The following CADPS variants were observed in gnomAD, a reference collection of about 807,000 sequenced individuals.
The protein encoded by CADPS is calcium-dependent secretion activator 1.
In CADPS, 57 loss-of-function variants were observed where a neutral mutation model predicts 167.3. The ratio of observed to expected loss-of-function variants is 0.34; its 90% CI spans 0.28 to 0.42. CADPS has a LOEUF of 0.42. CADPS is among the 20% of genes least tolerant of loss of function. The pLI is 1.00. For synonymous variants in CADPS, 676 were observed against 635.3 expected, an observed-to-expected ratio of 1.06 and a Z score of -0.96; for missense variants, 1,414 against 1,738.1, an observed-to-expected ratio of 0.81 and a Z score of 3.32.
chr3:62,509,504 T>G (rs1385337767), intron 17 of CADPS, among the ~76,000 whole-genome samples: 1 of 152,056 alleles, frequency 6.6e-6, no homozygotes, highest in Admixed American at 6.6e-5. Flanking sequence ...TCTCTTTCTC[T>G]CTTTCAACAA....
chr3:62,554,856 G>C (rs766118333), intron 10 of CADPS, among the ~76,000 whole-genome samples: 4 of 152,118 alleles, frequency 2.6e-5, no homozygotes, highest in Non-Finnish European at 5.9e-5. Context: ...AGGTTCAAGC[G>C]ATTCTCCTGC....
intron 1 of CADPS, among the ~76,000 whole-genome samples, chr3:62,868,061 C>G (rs2082025360): frequency 1.3e-5 from 2 of 152,078 alleles, no homozygotes; most frequent in South Asian, 2.1e-4. Context: ...CTGAATTCAT[C>G]CCCCTTTCCT....
At chr3:62,497,528 C>G (rs1016377621) in intron 18 of CADPS, among the ~76,000 whole-genome samples, 1 of 152,124 alleles carries the variant, frequency 6.6e-6, no homozygotes, top group Admixed American at 6.5e-5. Flanking sequence ...TATAGGATAG[C>G]GTAGGAAAAA....
At chr3:62,652,721 G>GAGAAA (rs373441479) in intron 4 of CADPS, among the ~76,000 whole-genome samples, 38 of 152,024 alleles carry the variant, frequency 2.5e-4, no homozygotes, top group South Asian at 6.2e-4. Context: ...AGGGAGAGGA[G>GAGAAA]AGAAAAGAAA....
At chr3:62,771,980 G>C (rs944955841) in intron 1 of CADPS, among the ~76,000 whole-genome samples, 1 of 152,106 alleles carries the variant, frequency 6.6e-6, no homozygotes, top group African/African-American at 2.4e-5. Flanking sequence ...ATGAGACCTT[G>C]GTCAAGTAAC....
At chr3:62,495,353 T>C (rs2064530946) in intron 18 of CADPS, among the ~76,000 whole-genome samples, 1 of 152,200 alleles carries the variant, frequency 6.6e-6, no homozygotes, top group Non-Finnish European at 1.5e-5. Context: ...AAAGCAAAAG[T>C]GTAATTCCAA....
Position 62,874,847 on chromosome 3 carries a change from T to C in CADPS, c.183A>G (p.Ala61=). 1.9e-6 allele frequency: 2 copies of C among 1,060,654 alleles called. No individual in the cohort carries two copies. Among genetic ancestry groups the C allele is most frequent in the Non-Finnish European group, 2.3e-6 (2 of 875,116 alleles). 65.7% of individuals were successfully genotyped at this position (1,060,654 alleles called of 1,614,324 possible). A position where few individuals can be genotyped will look rare whatever the true frequency, so the allele number is the denominator to read the frequency against. The change falls in exon 1 of 30, where the codon GCA becomes GCG. Residue 61 remains alanine (A), a synonymous_variant. Transcript: ENST00000383710. This position sits in a 1 kb window ranked among gnomAD's most constrained non-coding sequence, Gnocchi z 7.1. ...TCGCGCCGCTGCCCCCGCCGCCGCC[T>C]GCACCCACCCCGGCTCCGGCGCCGG... ...GGAGAGAGVG[A]GGGGGSGASS...
intron 3 of CADPS, among the ~76,000 whole-genome samples, chr3:62,715,025 A>G (rs1580992237): frequency 6.6e-6 from 1 of 152,318 alleles, no homozygotes; most frequent in Admixed American, 6.5e-5. Flanking sequence ...AGGCATCATA[A>G]CGGTTTCCTG....
At chr3:62,768,705 C>T (rs769242595) in intron 1 of CADPS, among the ~76,000 whole-genome samples, 1 of 151,970 alleles carries the variant, frequency 6.6e-6, no homozygotes, top group Admixed American at 6.6e-5. Flanking sequence ...ATCTTATAGT[C>T]TAGGTGGAGA....
intron 1 of CADPS, among the ~76,000 whole-genome samples, chr3:62,857,038 A>C (rs897920215): frequency 6.6e-6 from 1 of 152,102 alleles, no homozygotes; most frequent in African/African-American, 2.4e-5. Context: ...GTCGAACAAC[A>C]TAACAAACAT....
At chr3:62,526,038 A>C (rs2072098708) in intron 13 of CADPS, among the ~76,000 whole-genome samples, 1 of 152,170 alleles carries the variant, frequency 6.6e-6, no homozygotes, top group African/African-American at 2.4e-5. Context: ...CACACTGGGG[A>C]GAAAGAGAAG....
chr3:62,406,609 C>T (rs770168842), intron 28 of CADPS, among the ~76,000 whole-genome samples: 2 of 152,136 alleles, frequency 1.3e-5, no homozygotes, highest in Admixed American at 6.5e-5. Context: ...CCTTTACTGC[C>T]TCCCTTTAAT....
intron 7 of CADPS, among the ~76,000 whole-genome samples, chr3:62,586,295 G>T (rs2084616337): frequency 6.6e-6 from 1 of 152,172 alleles, no homozygotes; most frequent in Non-Finnish European, 1.5e-5. Context: ...TTCTCTAGGT[G>T]CAAGGATGGC....
At chr3:62,556,498 G>C (rs1562102469) in intron 10 of CADPS, among the ~76,000 whole-genome samples, 1 of 152,014 alleles carries the variant, frequency 6.6e-6, no homozygotes, top group Non-Finnish European at 1.5e-5. Flanking sequence ...TATGGGAGTA[G>C]AAAAAAAGGT....
intron 20 of CADPS, 74 bp from the exon 21 acceptor site, chr3:62,491,554 C>T: frequency 1.5e-6 from 1 of 663,756 alleles, no homozygotes; most frequent in Non-Finnish European, 2.4e-6. Flanking sequence ...CACACACACA[C>T]ACAAACACAC....
intron 1 of CADPS, among the ~76,000 whole-genome samples, chr3:62,824,450 T>C (rs1481305780): frequency 6.6e-6 from 1 of 152,124 alleles, no homozygotes; most frequent in Non-Finnish European, 1.5e-5. Context: ...ATGTTAGAAG[T>C]CAGAGAATGT....
intron 3 of CADPS, among the ~76,000 whole-genome samples, chr3:62,663,322 A>G (rs2073731344): frequency 6.6e-6 from 1 of 152,142 alleles, no homozygotes; most frequent in African/African-American, 2.4e-5. Flanking sequence ...TTTATTTACA[A>G]CAGGTGGCAG....
chr3:62,665,484 G>T (rs1421408517), intron 3 of CADPS, among the ~76,000 whole-genome samples: 11 of 152,166 alleles, frequency 7.2e-5, no homozygotes, highest in African/African-American at 2.4e-4. Flanking sequence ...AACCAAGTCT[G>T]CTCTGCCTCA....
chr3:62,697,066 A>C (rs181144926), intron 3 of CADPS, among the ~76,000 whole-genome samples: 2 of 152,256 alleles, frequency 1.3e-5, no homozygotes, highest in African/African-American at 4.8e-5. Context: ...ATCTTGCCTC[A>C]ATCAACCCAC....
Sources: allele counts gnomAD v4.1 joint callset (sites outside exome capture counted in the v4.1 genomes callset), GRCh38; gene constraint gnomAD v4.1.1; non-coding constraint Gnocchi (gnomAD v3.1); transcripts MANE v1.5; gene names NCBI Gene and HGNC (gene_info 2026-07-23, HGNC 2026-07-21).